RAD17: variants seen among roughly 807,000 people sequenced by gnomAD.
RAD17 encodes cell cycle checkpoint protein RAD17.
RAD17 carries 31 observed loss-of-function variants against 81.5 expected under a neutral mutation model. The observed-to-expected ratio is 0.38, with a 90% confidence interval of 0.29 to 0.51. The LOEUF is 0.51. Ranked by LOEUF, RAD17 falls within the 20% of genes least tolerant of loss-of-function variation. The probability of loss-of-function intolerance (pLI) is 0.88; values close to 1 mark genes in which losing one functional copy is unlikely to be tolerated. For missense variants in RAD17, 681 were observed against 781.2 expected, an observed-to-expected ratio of 0.87 and a Z score of 1.53; for synonymous variants, 261 against 266.2, an observed-to-expected ratio of 0.98 and a Z score of 0.19.
At chr5:69,412,302 A>G (rs952777683) in intron 18 of RAD17, among the ~76,000 whole-genome samples, 9 of 152,176 alleles carry the variant, frequency 5.9e-5, no homozygotes, top group African/African-American at 2.2e-4. Flanking sequence ...GACTGGTACT[A>G]TCTTTTATTT....
chr5:69,369,459 T>C (rs756539824), upstream of RAD17: 27 of 1,610,080 alleles, frequency 1.7e-5, no homozygotes, highest in African/African-American at 2.8e-4. Context: ...CCGCGCGCCC[T>C]GACCGGTGAG....
chr5:69,371,086 C>T lies in RAD17; in HGVS notation c.-365C>T. On this transcript the variant is annotated 5_prime_UTR_variant, in exon 2 of 19. Transcript: ENST00000354868. The stretch of plus-strand genomic sequence containing the variant: ...TTTGGGAAATACTGGAAATGAAGAC[C>T]TGCAACTGTAATTTGAAATAAGGAA... The T allele has an allele frequency of 2.3e-6, 1 of 429,880 alleles. No homozygotes were observed. Among genetic ancestry groups the T allele is most frequent in the Non-Finnish European group, 4.5e-6 (1 of 220,830 alleles). 26.6% of individuals were successfully genotyped at this position (429,880 alleles called of 1,614,324 possible).
chr5:69,394,142 CCTT>C (rs979188927), intron 15 of RAD17, among the ~76,000 whole-genome samples: 15 of 148,604 alleles, frequency 1.0e-4, no homozygotes, highest in South Asian at 2.1e-4. Flanking sequence ...GCAACCTTGA[CCTT>C]CTGGGCTCAA....
rs1763500476 is a variant in RAD17 at position 69,377,563 on chromosome 5, ATATATATGCATATATATG to A, written c.351+2857_351+2874del. ...CGTATATATATGCATATATATGTAT[ATATATATGCATATATATG>A]TATACATATATATATGCATATATAT... On this transcript the variant is annotated intron_variant, in intron 6 of 18. Transcript: ENST00000354868. Among the ~76,000 whole-genome samples the A allele has an allele frequency of 5.2e-3, 19 of 3,620 alleles. 5 individuals are homozygous for A. The East Asian group carries it at 0.07, about 13-fold the overall frequency. The allele number at this position is 3,620 out of a possible 152,430, so 2.4% of individuals were successfully genotyped here.
In RAD17 at chr5:69,382,020, C is replaced by G; in HGVS notation, c.471C>G (p.Asp157Glu). 6.2e-7 allele frequency: 1 copy of G among 1,612,202 alleles called. No homozygotes were observed. Among genetic ancestry groups the G allele is most frequent in the Non-Finnish European group, 8.5e-7 (1 of 1,178,712 alleles). Residue 157 changes from aspartate to glutamate, a missense_variant, in exon 7 of 19, where the codon GAC becomes GAG. Transcript: ENST00000354868. Reference sequence around the variant, plus strand: ...AGTGGATTAATCCAGTTTTACCAGACTTCCAAAAAGATGATTTCAAGGGGA... The same window carrying G: ...AGTGGATTAATCCAGTTTTACCAGAGTTCCAAAAAGATGATTTCAAGGGGA... The part of the protein sequence containing the change: ...VQEWINPVLP[D>E]FQKDDFKGMF...
intron 11 of RAD17, among the ~76,000 whole-genome samples, chr5:69,387,242 G>A (rs17236331): frequency 7.2e-5 from 11 of 151,986 alleles, no homozygotes; most frequent in Admixed American, 4.6e-4. Context: ...CTTTTAGTAC[G>A]TCATTTTTTC....
Position 69,396,546 on chromosome 5 carries a change from G to T in RAD17, c.1572G>T (p.Lys524Asn). Residue 524 changes from lysine to asparagine, a missense_variant and splice_region_variant, in exon 16 of 19, where the codon AAG (lysine) becomes AAT (asparagine). Physicochemically the swap from Lys to Asn is moderately conservative, Grantham distance 94. Transcript: ENST00000354868. ...HKPQWFLINKKYRENCLAAKA... is the reference protein window; with the variant it reads ...HKPQWFLINKNYRENCLAAKA... ...CTCAGTGGTTTCTAATAAATAAAAAGGTAAAAAAAAAAAAAAAAATTCTGT... is the reference window on the plus strand; with the variant it reads ...CTCAGTGGTTTCTAATAAATAAAAATGTAAAAAAAAAAAAAAAAATTCTGT... 2 of 1,290,286 alleles carry T rather than the reference G, an allele frequency of 1.6e-6. No individual in the cohort carries two copies. Among genetic ancestry groups the T allele is most frequent in the Non-Finnish European group, 2.0e-6 (2 of 1,023,290 alleles). 79.9% of individuals were successfully genotyped at this position (1,290,286 alleles called of 1,614,324 possible). A position where few individuals can be genotyped will look rare whatever the true frequency, so the allele number is the denominator to read the frequency against.
At chr5:69,407,269 A>G (rs890832288) in intron 17 of RAD17, among the ~76,000 whole-genome samples, 1 of 151,794 alleles carries the variant, frequency 6.6e-6, no homozygotes, top group South Asian at 2.1e-4. Flanking sequence ...TGTGTAGTAG[A>G]ATTTTTAACA....
At chr5:69,406,936 A>G (rs1212409568) in intron 17 of RAD17, among the ~76,000 whole-genome samples, 1 of 151,830 alleles carries the variant, frequency 6.6e-6, no homozygotes, top group Non-Finnish European at 1.5e-5. Context: ...TTAAAACAAT[A>G]TGTTGCCCAC....
chr5:69,401,843 A>C (rs1273748017), intron 17 of RAD17, among the ~76,000 whole-genome samples: 23 of 104,932 alleles, frequency 2.2e-4, no homozygotes, highest in Non-Finnish European at 3.8e-4. Flanking sequence ...AAAAAAACCC[A>C]CAAAAAACAA....
intron 17 of RAD17, among the ~76,000 whole-genome samples, chr5:69,402,646 C>T (rs1765347918): frequency 7.5e-6 from 1 of 133,810 alleles, no homozygotes; most frequent in Non-Finnish European, 1.6e-5. Flanking sequence ...CAGAGTGAGA[C>T]TCTGTCTCAA....
intron 11 of RAD17, among the ~76,000 whole-genome samples, chr5:69,388,046 T>G (rs987144086): frequency 6.6e-6 from 1 of 152,124 alleles, no homozygotes; most frequent in Non-Finnish European, 1.5e-5. Flanking sequence ...CATTCTCTAC[T>G]ATAAGCATGA....
chr5:69,402,939 C>CG (rs34387651), intron 17 of RAD17, among the ~76,000 whole-genome samples: 1 of 152,022 alleles, frequency 6.6e-6, no homozygotes, highest in African/African-American at 2.4e-5. Context: ...AGGAAATTAA[C>CG]TTAATACCGT....
chr5:69,414,118 T>C lies in RAD17; in HGVS notation c.1839T>C (p.Ser613=). The change falls in exon 19 of 19, where the codon TCT becomes TCC. Residue 613 remains serine, a synonymous_variant. Transcript: ENST00000354868. ...GDEAQLNGGH[S]AEESLGEPTQ... is the part of the protein sequence containing the mutation. ...AAGCCCAGCTTAATGGAGGACATTCTGCAGAGGAATCTCTGGGTGAACCCA... is the reference window on the plus strand; with the variant it reads ...AAGCCCAGCTTAATGGAGGACATTCCGCAGAGGAATCTCTGGGTGAACCCA... 1 of 1,614,230 alleles carries C rather than the reference T, an allele frequency of 6.2e-7. No individual in the cohort carries two copies. The highest frequency in any genetic ancestry group is 8.5e-7 in the Non-Finnish European group (1 of 1,180,048).
Position 69,378,359 on chromosome 5 carries a change from G to C in RAD17, c.352-3542G>C, listed in dbSNP as rs180979499. Reference sequence around the variant, plus strand: ...AAGATTCTTCACATTATAATGTCCTGATAAGAAACTACCTCCTAGTTCTCT... The same window carrying C: ...AAGATTCTTCACATTATAATGTCCTCATAAGAAACTACCTCCTAGTTCTCT... On this transcript the variant is annotated intron_variant, in intron 6 of 18. Coordinates refer to ENST00000354868, the MANE Select transcript of RAD17 (RefSeq NM_133338.3). Among the ~76,000 whole-genome samples the C allele has an allele frequency of 4.4e-3, 667 of 152,272 alleles. 8 individuals are homozygous for C. The highest frequency in any genetic ancestry group is 0.016 in the African/African-American group (650 of 41,546).
chr5:69,372,108 C>T lies in RAD17; in HGVS notation c.-101C>T, dbSNP rs982324570. ...ATAATTTGCAAATCAGAATTGCTGTCGAAAGTTTTACTATAATGAAAGATA... is the reference window on the plus strand; with the variant it reads ...ATAATTTGCAAATCAGAATTGCTGTTGAAAGTTTTACTATAATGAAAGATA... On this transcript the variant is annotated 5_prime_UTR_variant, in exon 4 of 19. Coordinates refer to ENST00000354868, the MANE Select transcript of RAD17 (RefSeq NM_133338.3). 8.9e-6 allele frequency: 13 copies of T among 1,461,032 alleles called. No homozygotes were observed. The South Asian group carries it at 1.4e-4, about 16-fold the overall frequency. The allele number at this position is 1,461,032 out of a possible 1,614,324, so 90.5% of individuals were successfully genotyped here. A position where few individuals can be genotyped will look rare whatever the true frequency, so the allele number is the denominator to read the frequency against.
In RAD17 at chr5:69,380,565, C is replaced by T. The variant is rs187475423; in HGVS notation, c.352-1336C>T. ...CCCTTTCAAAAGTGGAGCAGGCTCT[C>T]TTTGTCCAAGTACATAGGTTCTTAT... On this transcript the variant is annotated intron_variant, in intron 6 of 18. Coordinates refer to ENST00000354868, the MANE Select transcript of RAD17 (RefSeq NM_133338.3). Among the ~76,000 whole-genome samples, 19 of 152,200 alleles carry T rather than the reference C, an allele frequency of 1.2e-4. No individual in the cohort carries two copies. In the East Asian group the frequency reaches 3.7e-3, roughly 29 times the overall value.
rs953391706 is a variant in RAD17 at position 69,386,812 on chromosome 5, AT to A, written c.894+355del. 1.0e-4 allele frequency among the ~76,000 whole-genome samples: 15 copies of A among 150,162 alleles called. 1 individual carries two copies. Among genetic ancestry groups the A allele is most frequent in the African/African-American group, 3.2e-4 (13 of 40,844 alleles). On this transcript the variant is annotated intron_variant, in intron 11 of 18. Coordinates refer to ENST00000354868, the MANE Select transcript of RAD17 (RefSeq NM_133338.3). ...CCTGTTGTCACTTTTTTATTTTCACATTTTTTTTAATTATGGTGAAAAACAT... is the reference window on the plus strand; with the variant it reads ...CCTGTTGTCACTTTTTTATTTTCACATTTTTTTAATTATGGTGAAAAACAT...
chr5:69,378,279 T>G (rs1217250412), intron 6 of RAD17, among the ~76,000 whole-genome samples: 1 of 152,242 alleles, frequency 6.6e-6, no homozygotes, highest in African/African-American at 2.4e-5. Context: ...CAGGACAGCT[T>G]CTTTCCTTCA....
Sources: allele counts gnomAD v4.1 joint callset (sites outside exome capture counted in the v4.1 genomes callset), GRCh38; gene constraint gnomAD v4.1.1; transcripts MANE v1.5; gene names NCBI Gene and HGNC (gene_info 2026-07-23, HGNC 2026-07-21).